LDLRAD2: variants seen among roughly 807,000 people sequenced by gnomAD.
LDLRAD2 encodes the protein low density lipoprotein receptor class A domain containing 2, also known as low-density lipoprotein receptor class A domain-containing protein 2.
A neutral mutation model predicts 24.9 loss-of-function variants in LDLRAD2; 25 were observed. That is an observed-to-expected ratio of 1.00 (90% CI 0.73 to 1.40). The LOEUF (loss-of-function observed/expected upper bound fraction) is 1.40. Among genes scored for constraint, LDLRAD2 ranks in the 40% most tolerant of loss-of-function variants. The pLI is 0.00. For missense variants in LDLRAD2, 391 were observed against 366.2 expected (o/e 1.07, Z -0.55); for synonymous variants, 182 against 166.7 (o/e 1.09, Z -0.71).
At position 21,821,445 on chromosome 1, in the gene LDLRAD2, T is replaced by C. The variant is rs1471914498; in HGVS notation, c.644-5T>C. Reference sequence around the variant, plus strand: ...AGTGTGCTAGTTCTGTTCTTTCCCATGCAGGTCCCTCTCCGGTGCCCAGCC... The same window carrying C: ...AGTGTGCTAGTTCTGTTCTTTCCCACGCAGGTCCCTCTCCGGTGCCCAGCC... On this transcript the variant is annotated splice_region_variant and splice_polypyrimidine_tract_variant and intron_variant, in intron 3 of 4. Coordinates refer to ENST00000344642, the MANE Select transcript of LDLRAD2 (RefSeq NM_001013693.3). 2 of 1,614,138 alleles carry C rather than the reference T, an allele frequency of 1.2e-6. No individual in the cohort carries two copies. Among genetic ancestry groups the C allele is most frequent in the South Asian group, 1.1e-5 (1 of 91,076 alleles).
intron 3 of LDLRAD2, among the ~76,000 whole-genome samples, chr1:21,820,749 A>G (rs1481122888): frequency 6.6e-6 from 1 of 152,234 alleles, no homozygotes; most frequent in African/African-American, 2.4e-5. Flanking sequence ...GAGATGCTCA[A>G]GAAATACTAG....
chr1:21,818,818 C>G (rs971819277), intron 3 of LDLRAD2, among the ~76,000 whole-genome samples: 1 of 152,060 alleles, frequency 6.6e-6, no homozygotes, highest in Non-Finnish European at 1.5e-5. Flanking sequence ...AGGCCCTGCA[C>G]GATCTGGCCC....
intron 2 of LDLRAD2, among the ~76,000 whole-genome samples, chr1:21,815,598 A>T (rs1316749891): frequency 6.6e-6 from 1 of 152,236 alleles, no homozygotes; most frequent in East Asian, 1.9e-4. Context: ...GGTGACAGAG[A>T]GAGACCTGCC....
chr1:21,815,819 C>T, intron 2 of LDLRAD2, 124 bp from the exon 3 acceptor site: 2 of 1,120,794 alleles, frequency 1.8e-6, no homozygotes, highest in East Asian at 4.8e-5. Context: ...ATGTTCTCAT[C>T]TGCATGCATG....
In LDLRAD2 at chr1:21,823,973, G is replaced by A. The variant is rs2097960271; in HGVS notation, c.*1758G>A. ...GGAGTTCAGTCCGAGATGGAAGCCC[G>A]AGCCCTGGCTGGTGGGTTCTCCCCT... is the stretch of plus-strand genomic sequence containing the variant. On this transcript the variant is annotated 3_prime_UTR_variant, in exon 5 of 5. Coordinates refer to ENST00000344642, the MANE Select transcript of LDLRAD2 (RefSeq NM_001013693.3). 4.6e-6 allele frequency: 4 copies of A among 873,426 alleles called. No homozygotes were observed. The highest frequency in any genetic ancestry group is 2.6e-5 in the East Asian group (1 of 37,774). The allele number at this position is 873,426 out of a possible 1,614,324, so 54.1% of individuals were successfully genotyped here. A position where few individuals can be genotyped will look rare whatever the true frequency, so the allele number is the denominator to read the frequency against.
At position 21,814,431 on chromosome 1, in the gene LDLRAD2, A is replaced by AG; in HGVS notation, c.124dup (p.Asp42GlyfsTer151). ...GCGGAACTGTGCGGGCAGACGTGGC[A>AG]GGGGGACGGGCTGCTGCTGCGCTCG... On this transcript the variant is annotated frameshift_variant, in exon 2 of 5. Transcript: ENST00000344642. LOFTEE classifies it high-confidence loss of function. The AG allele has an allele frequency of 1.2e-6, 2 of 1,608,620 alleles. No homozygotes were observed. The highest frequency in any genetic ancestry group is 3.3e-4 in the Middle Eastern group (2 of 6,050).
In LDLRAD2 at chr1:21,821,562, G is replaced by T; in HGVS notation, c.756G>T (p.Arg252Ser). ...SAGSLWIAAERSSPAGRDPTR... is the reference protein window; with the variant it reads ...SAGSLWIAAESSSPAGRDPTR... ...GATCCCTCTGGATTGCAGCTGAGAG[G>T]AGTTCCCCAGCAGGCAGGGACCCCA... is the stretch of plus-strand genomic sequence containing the variant. The change falls in exon 4 of 5, where the codon AGG (arginine) becomes AGT (serine). Residue 252 changes from arginine (R) to serine (S), a missense_variant. Physicochemically the swap from Arg to Ser is moderately radical, Grantham distance 110 (BLOSUM62 -1). Transcript: ENST00000344642. The T allele has an allele frequency of 6.2e-7, 1 of 1,614,106 alleles. No homozygotes were observed.
chr1:21,821,678 G>A (rs1162124899), intron 4 of LDLRAD2, 67 bp downstream of exon 4: 8 of 1,587,092 alleles, frequency 5.0e-6, no homozygotes, highest in South Asian at 1.1e-5. Flanking sequence ...TGGGGACGGG[G>A]CAGAGGACCC....
intron 3 of LDLRAD2, among the ~76,000 whole-genome samples, 169 bp downstream of exon 3, chr1:21,816,243 T>C (rs2097943834): frequency 6.6e-6 from 1 of 152,234 alleles, no homozygotes; most frequent in Admixed American, 6.5e-5. Context: ...GGGCCAGAAC[T>C]ATGCTGCAGA....
rs1557653172 is a variant in LDLRAD2 at position 21,812,525 on chromosome 1, CT to C, written c.77del (p.Leu26TrpfsTer64). 1.9e-6 allele frequency: 3 copies of C among 1,614,044 alleles called. No individual in the cohort carries two copies. The highest frequency in any genetic ancestry group is 2.5e-6 in the Non-Finnish European group (3 of 1,179,920). On this transcript the variant is annotated frameshift_variant, in exon 1 of 5. Transcript: ENST00000344642. LOFTEE classifies it high-confidence loss of function. ...LLGAAALTAT[A>X]LETADLAELC... ...GGGGCAGCCGCCCTGACTGCAACTG[CT>C]TTGGAGACAGGTAAGTATCAGGGGG...
chr1:21,817,256 C>T (rs2097944864), intron 3 of LDLRAD2, among the ~76,000 whole-genome samples: 1 of 152,208 alleles, frequency 6.6e-6, no homozygotes, highest in African/African-American at 2.4e-5. Flanking sequence ...GAACTGGTCT[C>T]CCTCCTTCTG....
Position 21,824,201 on chromosome 1 carries a change from G to T in LDLRAD2, c.*1986G>T. On this transcript the variant is annotated 3_prime_UTR_variant, in exon 5 of 5. Transcript: ENST00000344642. This position sits in a 1 kb window ranked among gnomAD's most constrained non-coding sequence, Gnocchi z 5.9. The stretch of plus-strand genomic sequence containing the variant: ...GGCGGGCCTCCCCACTACCCAGCTG[G>T]TACCTGCAGTCATCCAGGCCCAAGA... The T allele has an allele frequency of 6.2e-7, 1 of 1,613,790 alleles. No individual in the cohort carries two copies. Among genetic ancestry groups the T allele is most frequent in the Non-Finnish European group, 8.5e-7 (1 of 1,179,998 alleles).
At position 21,824,239 on chromosome 1, in the gene LDLRAD2, G is replaced by A. The variant is rs1264149746; in HGVS notation, c.*2024G>A. 6.2e-7 allele frequency: 1 copy of A among 1,613,316 alleles called. No homozygotes were observed. Among genetic ancestry groups the A allele is most frequent in the Non-Finnish European group, 8.5e-7 (1 of 1,179,654 alleles). On this transcript the variant is annotated 3_prime_UTR_variant, in exon 5 of 5. Transcript: ENST00000344642. The surrounding 1 kb of genome is among the most constrained non-coding windows in gnomAD (Gnocchi z 5.9). ...TCCAGGCCCAAGAAGTATGAGCTGGGGCAGGACCGGGGGGTGGGGTGCTGG... is the reference window on the plus strand; with the variant it reads ...TCCAGGCCCAAGAAGTATGAGCTGGAGCAGGACCGGGGGGTGGGGTGCTGG...
chr1:21,821,825 G>C, intron 4 of LDLRAD2: 2 of 1,429,642 alleles, frequency 1.4e-6, no homozygotes, highest in Middle Eastern at 5.1e-4. Context: ...CAGCTGGCTG[G>C]CCTGGCAACC....
In LDLRAD2 at chr1:21,816,529, G is replaced by A. The variant is rs143756480; in HGVS notation, c.643+455G>A. 4.9e-3 allele frequency among the ~76,000 whole-genome samples: 751 copies of A among 152,288 alleles called. 4 individuals are homozygous for A. Among genetic ancestry groups the A allele is most frequent in the Non-Finnish European group, 5.4e-3 (369 of 68,016 alleles). On this transcript the variant is annotated intron_variant, in intron 3 of 4. Coordinates refer to ENST00000344642, the MANE Select transcript of LDLRAD2 (RefSeq NM_001013693.3). ...ACTTGCCCAAGGTCATAAAGCCAGT[G>A]AGTAAAATGAGCAGGAATGATCTCT...
chr1:21,813,488 G>C (rs561113610), intron 1 of LDLRAD2, among the ~76,000 whole-genome samples: 4 of 152,230 alleles, frequency 2.6e-5, no homozygotes, highest in African/African-American at 9.6e-5. Context: ...AGTACCCACT[G>C]GTCCCTATCT....
intron 4 of LDLRAD2, 89 bp downstream of exon 4, chr1:21,821,700 T>A: frequency 6.4e-7 from 1 of 1,557,108 alleles, no homozygotes; most frequent in South Asian, 1.2e-5. Flanking sequence ...GGCCGAGGCC[T>A]GAGTGGACTT....
chr1:21,819,405 T>C (rs181391538), intron 3 of LDLRAD2, among the ~76,000 whole-genome samples: 7 of 152,124 alleles, frequency 4.6e-5, no homozygotes, highest in Non-Finnish European at 1.0e-4. Context: ...CTTATTATTA[T>C]ATTCTAATAT....
chr1:21,817,943 C>T (rs1259259362), intron 3 of LDLRAD2, among the ~76,000 whole-genome samples: 4 of 152,142 alleles, frequency 2.6e-5, no homozygotes, highest in Non-Finnish European at 5.9e-5. Context: ...GTGGCGTGAT[C>T]TCGGCTCACT....
Sources: allele counts gnomAD v4.1 joint callset (sites outside exome capture counted in the v4.1 genomes callset), GRCh38; gene constraint gnomAD v4.1.1; non-coding constraint Gnocchi (gnomAD v3.1); transcripts MANE v1.5; gene names NCBI Gene and HGNC (gene_info 2026-07-23, HGNC 2026-07-21).